Variants in OR2H1 observed in about 807,000 individuals in gnomAD.
OR2H1 encodes the protein olfactory receptor 2H1.
For synonymous variants in OR2H1, 155 were observed against 155.2 expected (o/e 1.00, Z 0.01); for missense variants, 380 against 367.3 (o/e 1.03, Z -0.28).
At position 29,461,897 on chromosome 6, in the gene OR2H1, T is replaced by A; in HGVS notation, c.128T>A (p.Ile43Asn). 1.9e-6 allele frequency: 3 copies of A among 1,613,066 alleles called. No individual in the cohort carries two copies. Among genetic ancestry groups the A allele is most frequent in the African/African-American group, 1.3e-5 (1 of 75,032 alleles). Residue 43 changes from isoleucine (I) to asparagine (N), a missense_variant, in exon 4 of 4, where the codon ATC (isoleucine) becomes AAC (asparagine). Physicochemically the swap from Ile to Asn is moderately radical, Grantham distance 149. Coordinates refer to ENST00000377133, the MANE Select transcript of OR2H1 (RefSeq NM_030883.5). ...YLLTLVGNTL[I>N]ILLSVLYPRL... ...TTGACCCTGGTGGGCAACACACTCA[T>A]CATCCTGCTGTCTGTACTGTACCCC... is the stretch of plus-strand genomic sequence containing the variant.
rs764260667 is a variant in OR2H1, at chr6:29,462,211, G to A, written c.442G>A (p.Val148Ile). The A allele has an allele frequency of 1.2e-6, 2 of 1,613,342 alleles. No homozygotes were observed. Among genetic ancestry groups the A allele is most frequent in the African/African-American group, 1.3e-5 (1 of 74,858 alleles). Residue 148 changes from valine to isoleucine, a missense_variant, in exon 4 of 4, where the codon GTT (valine) becomes ATT (isoleucine). Physicochemically the swap from Val to Ile is conservative, Grantham distance 29 (BLOSUM62 3). Coordinates refer to ENST00000377133, the MANE Select transcript of OR2H1 (RefSeq NM_030883.5). ...LCWQLASVAW[V>I]MSLVQSIVQT... ...CTGGCAGCTGGCATCTGTGGCCTGG[G>A]TTATGAGTCTGGTTCAATCGATAGT...
At chr6:29,457,297 C>T (rs1786487992) in intron 1 of OR2H1, 90 bp downstream of exon 1, 1 of 152,130 alleles carries the variant, frequency 6.6e-6, no homozygotes, top group Admixed American at 6.6e-5. Flanking sequence ...TGTTCATCAA[C>T]AAGTGAATGG....
chr6:29,461,987 C>T lies in OR2H1; in HGVS notation c.218C>T (p.Thr73Ile), dbSNP rs1787325603. The T allele has an allele frequency of 6.2e-7, 1 of 1,613,256 alleles. No homozygotes were observed. Among genetic ancestry groups the T allele is most frequent in the Non-Finnish European group, 8.5e-7 (1 of 1,180,022 alleles). The change falls in exon 4 of 4, where the codon ACA becomes ATA. Residue 73 changes from threonine (T) to isoleucine (I), a missense_variant. Thr to Ile is a moderately conservative substitution (Grantham distance 89). Coordinates refer to ENST00000377133, the MANE Select transcript of OR2H1 (RefSeq NM_030883.5). ...TCCTTCTTGGACCTCTGCTTTACCA[C>T]AAGTTGTGTCCCCCAGATGCTGGTC... ...DLSFLDLCFT[T>I]SCVPQMLVNL...
rs533233306 is a variant in OR2H1 at position 29,464,312 on chromosome 6, A to G, written c.*1592A>G. 1 of 166,612 alleles carries G rather than the reference A, an allele frequency of 6.0e-6. No individual in the cohort carries two copies. Among genetic ancestry groups the G allele is most frequent in the African/African-American group, 2.4e-5 (1 of 41,594 alleles). The allele number at this position is 166,612 out of a possible 1,614,324, so 10.3% of individuals were successfully genotyped here. ...TTTTTTTGAGACTGAAATAAAGGTG[A>G]AATATTGGAAGGAAAAGTTTAATGT... is the stretch of plus-strand genomic sequence containing the variant. On this transcript the variant is annotated 3_prime_UTR_variant, in exon 4 of 4. Coordinates refer to ENST00000377133, the MANE Select transcript of OR2H1 (RefSeq NM_030883.5).
At chr6:29,457,747 C>T (rs1786596070) in intron 1 of OR2H1, among the ~76,000 whole-genome samples, 1 of 152,106 alleles carries the variant, frequency 6.6e-6, no homozygotes, top group African/African-American at 2.4e-5. Context: ...TGAGCACATT[C>T]GAGGCTTGAG....
chr6:29,461,919 C>T lies in OR2H1; in HGVS notation c.150C>T (p.Tyr50=). Residue 50 remains tyrosine, a synonymous_variant, in exon 4 of 4, where the codon TAC becomes TAT. Coordinates refer to ENST00000377133, the MANE Select transcript of OR2H1 (RefSeq NM_030883.5). The part of the protein sequence containing the change: ...NTLIILLSVL[Y]PRLHSPMYFF... ...TCATCATCCTGCTGTCTGTACTGTA[C>T]CCCAGGCTCCACTCTCCAATGTACT... The T allele has an allele frequency of 6.2e-7, 1 of 1,613,074 alleles. No individual in the cohort carries two copies. The highest frequency in any genetic ancestry group is 8.5e-7 in the Non-Finnish European group (1 of 1,180,028).
chr6:29,457,833 C>G (rs1008392094), intron 1 of OR2H1, among the ~76,000 whole-genome samples: 1 of 152,148 alleles, frequency 6.6e-6, no homozygotes, highest in Non-Finnish European at 1.5e-5. Context: ...CCCAGTGACA[C>G]GGAGAAGCAG....
rs779136358 is a variant in OR2H1 at position 29,462,697 on chromosome 6, AG to A, written c.931del (p.Glu311LysfsTer65). ...GTTACTAGGGAAGGAAAGAGACTCC[AG>A]GGAAAGCTGGAGAGCTGCTTAATAT... ...RRLLGKERDS[R>X]ESWRAA On this transcript the variant is annotated frameshift_variant, in exon 4 of 4. Transcript: ENST00000377133. LOFTEE classifies it low-confidence loss of function (END_TRUNC). 1 of 1,612,350 alleles carries A rather than the reference AG, an allele frequency of 6.2e-7. No individual in the cohort carries two copies. The highest frequency in any genetic ancestry group is 1.1e-5 in the South Asian group (1 of 90,960).
Position 29,462,332 on chromosome 6 carries a change from G to C in OR2H1, c.563G>C (p.Gly188Ala). ...CCATCTCTGATTCGACTCTCCTGTGGAGATACCTCCTACAATGAAATCCAG... is the reference window on the plus strand; with the variant it reads ...CCATCTCTGATTCGACTCTCCTGTGCAGATACCTCCTACAATGAAATCCAG... Reference protein sequence around the residue: ...EVPSLIRLSCGDTSYNEIQLA... With the variant: ...EVPSLIRLSCADTSYNEIQLA... The change falls in exon 4 of 4, where the codon GGA becomes GCA. Residue 188 changes from glycine to alanine, a missense_variant. Transcript: ENST00000377133. The C allele has an allele frequency of 1.2e-6, 2 of 1,613,100 alleles. No individual in the cohort carries two copies. The highest frequency in any genetic ancestry group is 1.7e-6 in the Non-Finnish European group (2 of 1,180,042).
Position 29,462,041 on chromosome 6 carries a change from G to A in OR2H1, c.272G>A (p.Ser91Asn). The A allele has an allele frequency of 6.2e-7, 1 of 1,613,450 alleles. No individual in the cohort carries two copies. Among genetic ancestry groups the A allele is most frequent in the Non-Finnish European group, 8.5e-7 (1 of 1,180,030 alleles). Residue 91 changes from serine to asparagine, a missense_variant, in exon 4 of 4, where the codon AGC becomes AAC. By Grantham distance (46) the Ser-to-Asn change is conservative. Transcript: ENST00000377133. ...CTCTGGGGCCCAAAGAAGACCATCA[G>A]CTTCCTGGGATGCTCTGTCCAGCTC... is the stretch of plus-strand genomic sequence containing the variant. ...VNLWGPKKTI[S>N]FLGCSVQLFI...
At position 29,458,974 on chromosome 6, in the gene OR2H1, G is replaced by A. The variant is rs1436250170; in HGVS notation, c.-327+405G>A. On this transcript the variant is annotated intron_variant, in intron 2 of 3. Coordinates refer to ENST00000377133, the MANE Select transcript of OR2H1 (RefSeq NM_030883.5). ...GTGGAGTTAATGGGATGTAGGGAAA[G>A]TAGTGCTTGCCTATTATTGGTGTCA... is the stretch of plus-strand genomic sequence containing the variant. Among the ~76,000 whole-genome samples the A allele has an allele frequency of 2.0e-5, 3 of 152,180 alleles. No homozygotes were observed. The East Asian group carries it at 5.8e-4, about 29-fold the overall frequency.
rs753454178 is a variant in OR2H1, at chr6:29,462,564, C to T, written c.795C>T (p.Ala265=). 1.2e-6 allele frequency: 2 copies of T among 1,612,978 alleles called. No homozygotes were observed. The highest frequency in any genetic ancestry group is 8.5e-7 in the Non-Finnish European group (1 of 1,180,018). The change falls in exon 4 of 4, where the codon GCC becomes GCT. Residue 265 remains alanine, a synonymous_variant. Coordinates refer to ENST00000377133, the MANE Select transcript of OR2H1 (RefSeq NM_030883.5). ...ACCTCCAGCCCAAAAATCCGTATGCCCAAGGGAGGGGCAAGTTCTTTGGTC... is the reference window on the plus strand; with the variant it reads ...ACCTCCAGCCCAAAAATCCGTATGCTCAAGGGAGGGGCAAGTTCTTTGGTC... ...AVYLQPKNPY[A]QGRGKFFGLF... is the part of the protein sequence containing the mutation.
chr6:29,459,470 A>G (rs143380781), intron 2 of OR2H1, among the ~76,000 whole-genome samples: 40 of 152,322 alleles, frequency 2.6e-4, no homozygotes, highest in Non-Finnish European at 5.3e-4. Flanking sequence ...TCTTATCCTC[A>G]AGGAGAGACG....
At position 29,461,824 on chromosome 6, in the gene OR2H1, C is replaced by G. The variant is rs762186479; in HGVS notation, c.55C>G (p.Pro19Ala). ...CCTCCTTCTGGGCTTCTCTGAACAC[C>G]CAGCACTGGAAAGGACTCTCTTTGT... The part of the protein sequence containing the change: ...GFLLLGFSEH[P>A]ALERTLFVVV... Residue 19 changes from proline to alanine, a missense_variant, in exon 4 of 4, where the codon CCA becomes GCA. Coordinates refer to ENST00000377133, the MANE Select transcript of OR2H1 (RefSeq NM_030883.5). 6.2e-7 allele frequency: 1 copy of G among 1,613,034 alleles called. No individual in the cohort carries two copies. Among genetic ancestry groups the G allele is most frequent in the Non-Finnish European group, 8.5e-7 (1 of 1,180,006 alleles).
rs142601796 is a variant in OR2H1 at position 29,462,611 on chromosome 6, C to G, written c.842C>G (p.Pro281Arg). The change falls in exon 4 of 4, where the codon CCT becomes CGT. Residue 281 changes from proline (P) to arginine (R), a missense_variant. Coordinates refer to ENST00000377133, the MANE Select transcript of OR2H1 (RefSeq NM_030883.5). ...GGTCTCTTCTATGCAGTGGGCACTC[C>G]TTCACTTAACCCTCTCGTATACACC... ...FFGLFYAVGT[P>R]SLNPLVYTLR... 8.0e-4 allele frequency: 1,293 copies of G among 1,613,034 alleles called. 8 individuals are homozygous for G. The African/African-American group carries it at 8.2e-3, about 10-fold the overall frequency.
rs150194589 is a variant in OR2H1, at chr6:29,462,558, G to A, written c.789G>A (p.Pro263=). ...CTGTCTACCTCCAGCCCAAAAATCC[G>A]TATGCCCAAGGGAGGGGCAAGTTCT... is the stretch of plus-strand genomic sequence containing the variant. The part of the protein sequence containing the change: ...VIAVYLQPKN[P]YAQGRGKFFG... The change falls in exon 4 of 4, where the codon CCG becomes CCA. Residue 263 remains proline (P), a synonymous_variant. Transcript: ENST00000377133. 1.6e-4 allele frequency: 250 copies of A among 1,612,798 alleles called. No homozygotes were observed. Among genetic ancestry groups the A allele is most frequent in the Non-Finnish European group, 2.0e-4 (237 of 1,180,022 alleles).
Position 29,462,378 on chromosome 6 carries a change from C to G in OR2H1, c.609C>G (p.Ile203Met). 6.2e-7 allele frequency: 1 copy of G among 1,613,128 alleles called. No homozygotes were observed. Among genetic ancestry groups the G allele is most frequent in the Non-Finnish European group, 8.5e-7 (1 of 1,180,042 alleles). The change falls in exon 4 of 4, where the codon ATC (isoleucine) becomes ATG (methionine). Residue 203 changes from isoleucine to methionine, a missense_variant. By Grantham distance (10) the Ile-to-Met change is conservative. Transcript: ENST00000377133. ...TCCAGTTGGCTGTGTCCAGTGTCATCTTCGTGGTTGTGCCTCTCAGCCTCA... is the reference window on the plus strand; with the variant it reads ...TCCAGTTGGCTGTGTCCAGTGTCATGTTCGTGGTTGTGCCTCTCAGCCTCA... ...NEIQLAVSSVIFVVVPLSLIL... is the reference protein window; with the variant it reads ...NEIQLAVSSVMFVVVPLSLIL...
intron 3 of OR2H1, chr6:29,460,801 A>C: frequency 6.6e-6 from 1 of 152,310 alleles, no homozygotes; most frequent in East Asian, 1.9e-4. Flanking sequence ...ATAATGTTTT[A>C]AATCTTAAAT....
At chr6:29,461,209 C>T (rs1351157815) in intron 3 of OR2H1, 1 of 152,682 alleles carries the variant, frequency 6.5e-6, no homozygotes, top group African/African-American at 2.4e-5. Flanking sequence ...GTTAATTCTA[C>T]ACTCTGCCTC....
Sources: gnomAD v4.1 joint callset for allele counts (sites outside exome capture counted in the v4.1 genomes callset) on GRCh38, gnomAD v4.1.1 for gene constraint, MANE v1.5 for transcripts, NCBI Gene and HGNC (gene_info 2026-07-23, HGNC 2026-07-21) for gene names.